Variants in SYTL2 observed in about 807,000 individuals in gnomAD.
The protein encoded by SYTL2 is synaptotagmin like 2.
A neutral mutation model predicts 198.7 loss-of-function variants in SYTL2; 165 were observed. That is an observed-to-expected ratio of 0.83 (90% CI 0.73 to 0.94). The LOEUF (loss-of-function observed/expected upper bound fraction) is 0.94. SYTL2 is among the 40% of genes least tolerant of loss of function. The pLI, the probability that SYTL2 is intolerant of heterozygous loss-of-function variation, is 0.00. For synonymous variants in SYTL2, 966 were observed against 917.7 expected, an observed-to-expected ratio of 1.05 and a Z score of -0.95; for missense variants, 2,835 against 2,582.8, an observed-to-expected ratio of 1.10 and a Z score of -2.12.
chr11:85,800,909 T>C (rs2092877266), intron 1 of SYTL2, among the ~76,000 whole-genome samples: 2 of 152,214 alleles, frequency 1.3e-5, no homozygotes, highest in Admixed American at 6.5e-5. Flanking sequence ...TAACCAAGGC[T>C]AATCTCCCCA....
the SYTL2 span, among the ~76,000 whole-genome samples, chr11:85,838,471 A>G: frequency 6.6e-6 from 1 of 152,160 alleles, no homozygotes; most frequent in African/African-American, 2.4e-5. Context: ...TTGGCTTACA[A>G]TGCTGCAGGC....
chr11:85,781,937 G>A (rs750813057), intron 1 of SYTL2, among the ~76,000 whole-genome samples: 6 of 152,212 alleles, frequency 3.9e-5, no homozygotes, highest in Middle Eastern at 3.2e-3. Flanking sequence ...CACAGTGCAA[G>A]TGTTGGTGGA....
the SYTL2 span, among the ~76,000 whole-genome samples, chr11:85,817,255 C>T: frequency 1.4e-4 from 22 of 152,276 alleles, no homozygotes; most frequent in African/African-American, 4.8e-4. Flanking sequence ...ATCATCTAAG[C>T]AGCTCTCAGT....
chr11:85,738,984 G>A (rs752287403), intron 4 of SYTL2, among the ~76,000 whole-genome samples: 5 of 152,154 alleles, frequency 3.3e-5, no homozygotes, highest in Admixed American at 2.6e-4. Flanking sequence ...TGCAAATCAT[G>A]TAGTCCCTAC....
At chr11:85,851,981 A>T in the SYTL2 span, among the ~76,000 whole-genome samples, 1 of 152,208 alleles carries the variant, frequency 6.6e-6, no homozygotes, top group Non-Finnish European at 1.5e-5. Context: ...TAATAAACAC[A>T]ATACTGATAG....
chr11:85,737,483 A>G, intron 5 of SYTL2, 92 bp downstream of exon 5: 1 of 1,023,554 alleles, frequency 9.8e-7, no homozygotes, highest in Non-Finnish European at 1.5e-6. Context: ...ACTGTACTAC[A>G]AAATTCTCTT....
intron 13 of SYTL2, among the ~76,000 whole-genome samples, chr11:85,710,695 A>C (rs2086099137): frequency 6.6e-6 from 1 of 152,176 alleles, no homozygotes; most frequent in Admixed American, 6.5e-5. Flanking sequence ...TACCTCTCAT[A>C]TTCTTTCATG....
At chr11:85,784,414 A>G (rs1483289810) in intron 1 of SYTL2, among the ~76,000 whole-genome samples, 1 of 152,210 alleles carries the variant, frequency 6.6e-6, no homozygotes, top group African/African-American at 2.4e-5. Context: ...CTTGCAAAAA[A>G]GAATAAGTAA....
chr11:85,698,780 C>A (rs1200419813), intron 17 of SYTL2, among the ~76,000 whole-genome samples: 1 of 152,196 alleles, frequency 6.6e-6, no homozygotes, highest in Non-Finnish European at 1.5e-5. Context: ...CTCAAGGGAT[C>A]CACCAGCCTC....
At position 85,704,964 on chromosome 11, in the gene SYTL2, G is replaced by GT; in HGVS notation, c.6082dup (p.Thr2028AsnfsTer3). 6.2e-7 allele frequency: 1 copy of GT among 1,613,580 alleles called. No individual in the cohort carries two copies. Among genetic ancestry groups the GT allele is most frequent in the Middle Eastern group, 1.7e-4 (1 of 6,058 alleles). ...CCCTAGGAAACTATTGCGCTTAAAT[G>GT]TATCCCGATGCCAAATGGACAGGTT... On this transcript the variant is annotated frameshift_variant, in exon 16 of 20. Coordinates refer to ENST00000359152, the MANE Select transcript of SYTL2 (RefSeq NM_206927.4). LOFTEE classifies it high-confidence loss of function.
At chr11:85,746,265 C>T (rs1442036667) in intron 3 of SYTL2, among the ~76,000 whole-genome samples, 1 of 152,184 alleles carries the variant, frequency 6.6e-6, no homozygotes, top group East Asian at 1.9e-4. Context: ...CTGCCTTCTC[C>T]TCCTCCCCAC....
In SYTL2 at chr11:85,707,479, T is replaced by A; in HGVS notation, c.5968A>T (p.Thr1990Ser). 1 of 1,614,070 alleles carries A rather than the reference T, an allele frequency of 6.2e-7. No homozygotes were observed. Among genetic ancestry groups the A allele is most frequent in the Non-Finnish European group, 8.5e-7 (1 of 1,179,978 alleles). Residue 1990 changes from threonine (T) to serine (S), a missense_variant, in exon 15 of 20, where the codon ACA (threonine) becomes TCA (serine). By Grantham distance (58) the Thr-to-Ser change is moderately conservative (BLOSUM62 1). Transcript: ENST00000359152. ...PDKGKMGKKK[T>S]LVVKKTLNPV... is the part of the protein sequence containing the mutation. Reference sequence around the variant, plus strand: ...TTCAAGGTTTTCTTCACTACGAGTGTTTTCTTCTTGCCCATTTTGCCTTTG... The same window carrying A: ...TTCAAGGTTTTCTTCACTACGAGTGATTTCTTCTTGCCCATTTTGCCTTTG...
intron 19 of SYTL2, 48 bp from the exon 20 acceptor site, chr11:85,695,388 TA>T (rs763300599): frequency 1.4e-6 from 2 of 1,472,674 alleles, no homozygotes. Context: ...TCATTGGGGG[TA>T]GGGGAAAGAG....
Position 85,758,034 on chromosome 11 carries a change from G to A in SYTL2, c.-309C>T, listed in dbSNP as rs932156473. On this transcript the variant is annotated 5_prime_UTR_variant, in exon 2 of 20. Transcript: ENST00000359152. ...TGGCTTCCAGCACACTCACTCTCTG[G>A]TCCAGTCTTAGACACAGTTTATTCT... 2 of 312,774 alleles carry A rather than the reference G, an allele frequency of 6.4e-6. No homozygotes were observed. The highest frequency in any genetic ancestry group is 1.2e-5 in the Non-Finnish European group (2 of 160,178). 19.4% of individuals were successfully genotyped at this position (312,774 alleles called of 1,614,324 possible).
intron 4 of SYTL2, among the ~76,000 whole-genome samples, chr11:85,745,067 C>G (rs2091057668): frequency 6.6e-6 from 1 of 152,170 alleles, no homozygotes; most frequent in South Asian, 2.1e-4. Flanking sequence ...GCCAGGTATT[C>G]TACATACCTT....
At chr11:85,842,993 G>A in the SYTL2 span, among the ~76,000 whole-genome samples, 100 of 152,310 alleles carry the variant, frequency 6.6e-4, no homozygotes, top group African/African-American at 2.2e-3. Context: ...TGTAGAATGT[G>A]TTCAGTTCCA....
At chr11:85,805,433 C>T (rs1337458234) in intron 1 of SYTL2, among the ~76,000 whole-genome samples, 1 of 152,088 alleles carries the variant, frequency 6.6e-6, no homozygotes, top group Non-Finnish European at 1.5e-5. Context: ...AGAAATCTAA[C>T]ACAATACAGC....
At chr11:85,765,035 A>C (rs547844823) in intron 1 of SYTL2, among the ~76,000 whole-genome samples, 1 of 152,202 alleles carries the variant, frequency 6.6e-6, no homozygotes, top group Non-Finnish European at 1.5e-5. Flanking sequence ...TCAGTGTTCT[A>C]TTTTTAAAAA....
At chr11:85,768,664 C>T (rs1411319622) in intron 1 of SYTL2, among the ~76,000 whole-genome samples, 2 of 152,222 alleles carry the variant, frequency 1.3e-5, no homozygotes, top group Non-Finnish European at 2.9e-5. Context: ...TAACCTCCTA[C>T]ACCATTTTAA....
Sources: allele counts gnomAD v4.1 joint callset (sites outside exome capture counted in the v4.1 genomes callset), GRCh38; gene constraint gnomAD v4.1.1; transcripts MANE v1.5; gene names NCBI Gene and HGNC (gene_info 2026-07-23, HGNC 2026-07-21).